The following ATP13A4 variants were observed in gnomAD, a reference collection of about 807,000 sequenced individuals.
ATP13A4 encodes the protein ATPase 13A4.
A neutral mutation model predicts 142.5 loss-of-function variants in ATP13A4; 114 were observed. That is an observed-to-expected ratio of 0.80 (90% CI 0.69 to 0.93). The LOEUF (loss-of-function observed/expected upper bound fraction) is 0.93, where lower values mean the gene tolerates loss of function less well. ATP13A4 is among the 40% of genes least tolerant of loss of function. ATP13A4 has a pLI of 0.00. For synonymous variants in ATP13A4, 488 were observed against 514.8 expected (o/e 0.95, Z 0.70); for missense variants, 1,392 against 1,454.0 (o/e 0.96, Z 0.69).
intron 7 of ATP13A4, 96 bp from the exon 8 acceptor site, chr3:193,484,101 C>A: frequency 9.6e-7 from 1 of 1,040,758 alleles, no homozygotes; most frequent in Non-Finnish European, 1.5e-6. Flanking sequence ...AGAGCACTGT[C>A]TTACTGCCAG....
At chr3:193,469,572 G>A (rs1239409292) in intron 9 of ATP13A4, among the ~76,000 whole-genome samples, 3 of 152,214 alleles carry the variant, frequency 2.0e-5, no homozygotes, top group Non-Finnish European at 4.4e-5. Context: ...AGATTGCAGT[G>A]AGCCAAGATC....
At chr3:193,488,436 G>A (rs970535747) in intron 7 of ATP13A4, among the ~76,000 whole-genome samples, 4 of 152,190 alleles carry the variant, frequency 2.6e-5, no homozygotes, top group Non-Finnish European at 4.4e-5. Context: ...TTTTCCCAGC[G>A]GGAGGGAGCC....
chr3:193,590,205 T>C (rs1256698174), intron 1 of ATP13A4, among the ~76,000 whole-genome samples: 1 of 152,170 alleles, frequency 6.6e-6, no homozygotes, highest in East Asian at 1.9e-4. Context: ...GCTCTGAGGT[T>C]AGAGGTTTTT....
intron 26 of ATP13A4, 70 bp from the exon 27 acceptor site, chr3:193,412,441 G>T (rs1353035653): frequency 7.0e-7 from 1 of 1,433,912 alleles, no homozygotes; most frequent in Non-Finnish European, 9.8e-7. Context: ...GTATCCAGAA[G>T]ATTCCATACC....
chr3:193,519,846 T>C (rs1002841033), intron 1 of ATP13A4, among the ~76,000 whole-genome samples: 1 of 151,970 alleles, frequency 6.6e-6, no homozygotes, highest in East Asian at 1.9e-4. Context: ...GGTTTCACCA[T>C]GTTGGCCAGG....
chr3:193,468,965 T>G (rs1718461135), intron 9 of ATP13A4, among the ~76,000 whole-genome samples: 1 of 152,222 alleles, frequency 6.6e-6, no homozygotes, highest in Non-Finnish European at 1.5e-5. Context: ...AAATACCATG[T>G]TGAGAAGCCT....
In ATP13A4 at chr3:193,441,999, T is replaced by A. The variant is rs560483322; in HGVS notation, c.2316+394A>T. Reference sequence around the variant, plus strand: ...ACTGACAAGACTGGAGATAAATGAATGAAACTTTTTTCTCACCCTGAAAAC... The same window carrying A: ...ACTGACAAGACTGGAGATAAATGAAAGAAACTTTTTTCTCACCCTGAAAAC... On this transcript the variant is annotated intron_variant, in intron 19 of 29. Transcript: ENST00000342695. 2.6e-5 allele frequency among the ~76,000 whole-genome samples: 4 copies of A among 152,290 alleles called. No individual in the cohort carries two copies. In the South Asian group the frequency reaches 8.3e-4, roughly 32 times the overall value.
At chr3:193,436,753 A>C (rs1345118399) in intron 23 of ATP13A4, among the ~76,000 whole-genome samples, 1 of 149,938 alleles carries the variant, frequency 6.7e-6, no homozygotes, top group Non-Finnish European at 1.5e-5. Flanking sequence ...CACCCAGCCT[A>C]GATCATACTT....
rs114963488 is a variant in ATP13A4 at position 193,451,332 on chromosome 3, C to T, written c.2027+2769G>A. Among the ~76,000 whole-genome samples the T allele has an allele frequency of 6.7e-3, 1,021 of 152,328 alleles. 16 individuals carry two copies. Among genetic ancestry groups the T allele is most frequent in the African/African-American group, 0.024 (978 of 41,576 alleles). ...AACATCTGCCATAGCCTATAGCCTACATTGGCACTAGTATTTCTAGTTCCT... is the reference window on the plus strand; with the variant it reads ...AACATCTGCCATAGCCTATAGCCTATATTGGCACTAGTATTTCTAGTTCCT... On this transcript the variant is annotated intron_variant, in intron 17 of 29. Coordinates refer to ENST00000342695, the MANE Select transcript of ATP13A4 (RefSeq NM_032279.4).
chr3:193,540,370 GC>G (rs1722820836), intron 1 of ATP13A4, among the ~76,000 whole-genome samples: 1 of 151,678 alleles, frequency 6.6e-6, no homozygotes, highest in Admixed American at 6.6e-5. Flanking sequence ...GCAATTCTGT[GC>G]CTCCAAACCG....
At chr3:193,514,966 T>A (rs1721331710) in intron 1 of ATP13A4, 95 bp from the exon 2 acceptor site, 1 of 1,384,846 alleles carries the variant, frequency 7.2e-7, no homozygotes, top group Non-Finnish European at 1.0e-6. Context: ...GGGGGCAGAG[T>A]GAAGGAGTTG....
intron 1 of ATP13A4, among the ~76,000 whole-genome samples, chr3:193,547,702 C>A (rs747912109): frequency 1.3e-5 from 2 of 152,194 alleles, no homozygotes; most frequent in African/African-American, 4.8e-5. Context: ...GGGTTCCTAA[C>A]TTGCAGGGAC....
At chr3:193,459,375 T>C (rs1576985775) in intron 13 of ATP13A4, 144 bp from the exon 14 acceptor site, 1 of 1,076,332 alleles carries the variant, frequency 9.3e-7, no homozygotes, top group African/African-American at 1.6e-5. Context: ...CCCACATTAA[T>C]AGTGCTTCAT....
chr3:193,550,074 C>T (rs1293171371), intron 1 of ATP13A4, among the ~76,000 whole-genome samples: 1 of 152,120 alleles, frequency 6.6e-6, no homozygotes, highest in African/African-American at 2.4e-5. Flanking sequence ...GGTGGAAGTC[C>T]CGTTGTAGTA....
Position 193,441,520 on chromosome 3 carries a change from T to C in ATP13A4, c.2385A>G (p.Leu795=). 17 of 1,613,702 alleles carry C rather than the reference T, an allele frequency of 1.1e-5. No individual in the cohort carries two copies. The highest frequency in any genetic ancestry group is 1.4e-5 in the Non-Finnish European group (17 of 1,179,660). ...KGREGSYHFA[L]TGKSFHVISQ... ...TTATAACATGAAAGGATTTTCCAGT[T>C]AGGGCAAAATGGTAACTTCCTTCTC... The change falls in exon 20 of 30, where the codon CTA becomes CTG. Residue 795 remains leucine, a synonymous_variant. Coordinates refer to ENST00000342695, the MANE Select transcript of ATP13A4 (RefSeq NM_032279.4).
chr3:193,556,043 A>G (rs1328377313), upstream of ATP13A4, among the ~76,000 whole-genome samples: 1 of 152,190 alleles, frequency 6.6e-6, no homozygotes, highest in East Asian at 1.9e-4. Context: ...CATAGTGGCT[A>G]AGGGCATATA....
intron 1 of ATP13A4, among the ~76,000 whole-genome samples, chr3:193,541,119 G>T (rs1722881764): frequency 6.7e-6 from 1 of 149,744 alleles, no homozygotes; most frequent in Non-Finnish European, 1.5e-5. Context: ...CGTGGTGGCA[G>T]GCGCCTGTAG....
At chr3:193,578,795 A>G (rs1724467215) in intron 2 of ATP13A4, 1 of 152,482 alleles carries the variant, frequency 6.6e-6, no homozygotes, top group Non-Finnish European at 1.5e-5. Flanking sequence ...ATCTTCTCCT[A>G]TGCTTGGACA....
intron 2 of ATP13A4, among the ~76,000 whole-genome samples, chr3:193,573,308 C>CTTATATATATATATATGTGTATATATAT (rs1229145689): frequency 1.7e-4 from 18 of 103,658 alleles, no homozygotes; most frequent in Admixed American, 1.9e-4. Context: ...TATATATATA[C>CTTATATATATATATATGTGTATATATAT]ATATATATAT....
Sources: allele counts gnomAD v4.1 joint callset (sites outside exome capture counted in the v4.1 genomes callset), GRCh38; gene constraint gnomAD v4.1.1; transcripts MANE v1.5; gene names NCBI Gene and HGNC (gene_info 2026-07-23, HGNC 2026-07-21).